Variants in NEDD1 observed in about 807,000 individuals in gnomAD.
NEDD1 encodes protein NEDD1.
In NEDD1, 33 loss-of-function variants were observed where a neutral mutation model predicts 74.0. The observed-to-expected ratio is 0.45, with a 90% CI of 0.34 to 0.60. The LOEUF (loss-of-function observed/expected upper bound fraction) is 0.60. NEDD1 is among the 20% of genes least tolerant of loss of function. NEDD1 has a pLI of 0.01. For synonymous variants in NEDD1, 250 were observed against 264.4 expected (o/e 0.95, Z 0.53); for missense variants, 746 against 776.5 (o/e 0.96, Z 0.47).
At chr12:96,916,647 G>T (rs1049679995) in intron 4 of NEDD1, among the ~76,000 whole-genome samples, 1 of 149,568 alleles carries the variant, frequency 6.7e-6, no homozygotes, top group Non-Finnish European at 1.5e-5. Context: ...TCTTAATCCA[G>T]TCTATCATTG....
rs373333698 is a variant in NEDD1 at position 96,937,226 on chromosome 12, A to G, written c.950A>G (p.Lys317Arg). 6.2e-7 allele frequency: 1 copy of G among 1,602,116 alleles called. No individual in the cohort carries two copies. The highest frequency in any genetic ancestry group is 2.3e-5 in the East Asian group (1 of 44,342). ...AGTTTAAATAAAGGCTGTTCAAATA[A>G]GCCCACAACAGTGAACAAACGAAGT... The part of the protein sequence containing the change: ...KSSLNKGCSN[K>R]PTTVNKRSVN... The change falls in exon 9 of 16, where the codon AAG (lysine) becomes AGG (arginine). Residue 317 changes from lysine to arginine, a missense_variant. Coordinates refer to ENST00000266742, the MANE Select transcript of NEDD1 (RefSeq NM_152905.4).
Position 96,939,952 on chromosome 12 carries a change from A to G in NEDD1, c.1118-457A>G, listed in dbSNP as rs144840414. On this transcript the variant is annotated intron_variant, in intron 9 of 15. Transcript: ENST00000266742. ...CTGCAAGTCAGGGAAGAAAAGTAAC[A>G]TTAATTGAATCCTGCTGTATGTTAG... Among the ~76,000 whole-genome samples the G allele has an allele frequency of 1.2e-3, 179 of 152,132 alleles. 1 individual carries two copies. Among genetic ancestry groups the G allele is most frequent in the Non-Finnish European group, 2.3e-3 (154 of 67,918 alleles).
At chr12:96,944,987 G>C (rs570488049) in intron 13 of NEDD1, among the ~76,000 whole-genome samples, 192 bp downstream of exon 13, 1 of 152,072 alleles carries the variant, frequency 6.6e-6, no homozygotes, top group Non-Finnish European at 1.5e-5. Context: ...ATTCAGGTAC[G>C]TTGATTTGAT....
chr12:96,938,989 T>G (rs1301958548), intron 9 of NEDD1, among the ~76,000 whole-genome samples: 3 of 152,032 alleles, frequency 2.0e-5, no homozygotes, highest in Non-Finnish European at 4.4e-5. Context: ...GACATTTAAC[T>G]GTTAGGGTTA....
chr12:96,952,802 A>G lies in NEDD1; in HGVS notation c.*749A>G, dbSNP rs1242085888. 1 of 151,750 alleles carries G rather than the reference A, an allele frequency of 6.6e-6. No homozygotes were observed. Among genetic ancestry groups the G allele is most frequent in the Non-Finnish European group, 1.5e-5 (1 of 67,708 alleles). The allele number at this position is 151,750 out of a possible 1,614,324, so 9.4% of individuals were successfully genotyped here. The stretch of plus-strand genomic sequence containing the variant: ...TAGTAACATGCAACGTTGTACTGCA[A>G]AATTTCAATCAACATGACAACTTAT... On this transcript the variant is annotated 3_prime_UTR_variant, in exon 16 of 16. Transcript: ENST00000266742.
intron 5 of NEDD1, among the ~76,000 whole-genome samples, chr12:96,918,893 C>T (rs1874756783): frequency 6.6e-6 from 1 of 152,088 alleles, no homozygotes. Flanking sequence ...ATTTTTTCCT[C>T]AAGATAGCAA....
Position 96,912,247 on chromosome 12 carries a change from A to G in NEDD1, c.137-476A>G, listed in dbSNP as rs1326155275. On this transcript the variant is annotated intron_variant, in intron 3 of 15. Transcript: ENST00000266742. ...CTATCACAAAAATTCATGTTCTGGGAAAATATCAGGCCTTTTTTTTTTTTA... is the reference window on the plus strand; with the variant it reads ...CTATCACAAAAATTCATGTTCTGGGGAAATATCAGGCCTTTTTTTTTTTTA... Among the ~76,000 whole-genome samples the G allele has an allele frequency of 2.6e-5, 4 of 152,160 alleles. No individual in the cohort carries two copies. The East Asian group carries it at 7.7e-4, about 29-fold the overall frequency.
At position 96,953,667 on chromosome 12, in the gene NEDD1, A is replaced by G. The variant is rs1375909573; in HGVS notation, c.*1614A>G. 6.6e-6 allele frequency: 1 copy of G among 151,924 alleles called. No individual in the cohort carries two copies. The highest frequency in any genetic ancestry group is 1.5e-5 in the Non-Finnish European group (1 of 67,836). 9.4% of individuals were successfully genotyped at this position (151,924 alleles called of 1,614,324 possible). On this transcript the variant is annotated 3_prime_UTR_variant, in exon 16 of 16. Transcript: ENST00000266742. Reference sequence around the variant, plus strand: ...ATTTAAAAGCTAAGTAAGTATAAAAAATAAAATGTTATATGCAAAAAATAG... The same window carrying G: ...ATTTAAAAGCTAAGTAAGTATAAAAGATAAAATGTTATATGCAAAAAATAG...
At chr12:96,917,575 T>C in intron 4 of NEDD1, 46 bp from the exon 5 acceptor site, 1 of 1,479,040 alleles carries the variant, frequency 6.8e-7, no homozygotes, top group Non-Finnish European at 8.9e-7. Flanking sequence ...AAGTCAGCTC[T>C]GGGCTCTGTT....
intron 3 of NEDD1, among the ~76,000 whole-genome samples, chr12:96,910,925 CT>C (rs769397432): frequency 2.2e-4 from 33 of 152,154 alleles, no homozygotes; most frequent in Non-Finnish European, 4.1e-4. Context: ...TAAAATGTGA[CT>C]GGTTCAGGAA....
At chr12:96,924,838 C>A (rs1177103312) in intron 6 of NEDD1, 3 of 453,446 alleles carry the variant, frequency 6.6e-6, no homozygotes, top group Non-Finnish European at 1.3e-5. Context: ...ACTAGGCTCT[C>A]CAATCCAGTG....
rs1874199307 is a variant in NEDD1 at position 96,914,099 on chromosome 12, C to A, written c.231+1282C>A. 4.6e-5 allele frequency among the ~76,000 whole-genome samples: 7 copies of A among 152,170 alleles called. No individual in the cohort carries two copies. The South Asian group carries it at 1.4e-3, about 31-fold the overall frequency. The stretch of plus-strand genomic sequence containing the variant: ...GTTTGAGGCACTCTGTTTAACCTGA[C>A]TTAAGCAGAATCAAGGCATAGAATG... On this transcript the variant is annotated intron_variant, in intron 4 of 15. Transcript: ENST00000266742.
intron 14 of NEDD1, among the ~76,000 whole-genome samples, chr12:96,947,463 A>T (rs1431228108): frequency 6.6e-6 from 1 of 152,174 alleles, no homozygotes; most frequent in Non-Finnish European, 1.5e-5. Context: ...GTGGTAAGAG[A>T]CCAGGCCTGA....
chr12:96,937,103 A>G, intron 8 of NEDD1, 95 bp from the exon 9 acceptor site: 1 of 714,180 alleles, frequency 1.4e-6, no homozygotes, highest in Non-Finnish European at 2.1e-6. Context: ...AAGGAAAAAA[A>G]TATATTTTTT....
chr12:96,931,443 G>A (rs868093680), intron 6 of NEDD1, among the ~76,000 whole-genome samples: 2 of 152,122 alleles, frequency 1.3e-5, no homozygotes, highest in African/African-American at 2.4e-5. Flanking sequence ...TTGCAAATTA[G>A]TATTTTAAAA....
intron 4 of NEDD1, among the ~76,000 whole-genome samples, chr12:96,914,724 T>C (rs1399873728): frequency 6.6e-6 from 1 of 152,210 alleles, no homozygotes; most frequent in African/African-American, 2.4e-5. Context: ...ATTTATTTTC[T>C]TTGATTTTGT....
At chr12:96,932,898 T>A (rs1250460980) in intron 6 of NEDD1, among the ~76,000 whole-genome samples, 1 of 151,788 alleles carries the variant, frequency 6.6e-6, no homozygotes, top group African/African-American at 2.4e-5. Flanking sequence ...GAACGCTGAG[T>A]TTTGGAGAGT....
chr12:96,931,897 T>C (rs961733797), intron 6 of NEDD1, among the ~76,000 whole-genome samples: 1 of 152,120 alleles, frequency 6.6e-6, no homozygotes, highest in Non-Finnish European at 1.5e-5. Flanking sequence ...TTTTCTTCTT[T>C]GTGATAAAAA....
intron 7 of NEDD1, 65 bp downstream of exon 7, chr12:96,935,270 T>G: frequency 1.0e-6 from 1 of 991,950 alleles, no homozygotes; most frequent in Middle Eastern, 2.1e-4. Context: ...AACAGGCATA[T>G]TTGTGATTTA....
Sources: allele counts gnomAD v4.1 joint callset (sites outside exome capture counted in the v4.1 genomes callset), GRCh38; gene constraint gnomAD v4.1.1; transcripts MANE v1.5; gene names NCBI Gene and HGNC (gene_info 2026-07-23, HGNC 2026-07-21).